SPRED1: variants seen among roughly 807,000 people sequenced by gnomAD.
The protein encoded by SPRED1 is sprouty related EVH1 domain containing 1.
In SPRED1, 18 loss-of-function variants were observed where a neutral mutation model predicts 52.3. The ratio of observed to expected loss-of-function variants is 0.34; its 90% confidence interval spans 0.24 to 0.51. The LOEUF (loss-of-function observed/expected upper bound fraction) is 0.51, where lower values mean the gene tolerates loss of function less well. SPRED1 is among the 20% of genes least tolerant of loss of function. The probability of loss-of-function intolerance (pLI) is 0.97; values close to 1 mark genes in which losing one functional copy is unlikely to be tolerated. For synonymous variants in SPRED1, 155 were observed against 179.7 expected (o/e 0.86, Z 1.10); for missense variants, 485 against 551.0 (o/e 0.88, Z 1.20).
rs542549529 is a variant in SPRED1 at position 38,337,131 on chromosome 15, G to A, written c.424-2606G>A. ...TATTATTAAAATTGCTTTCCAGAAA[G>A]AGTTGTTCCAGATTTTATTTTACTT... is the stretch of plus-strand genomic sequence containing the variant. On this transcript the variant is annotated intron_variant, in intron 4 of 6. Coordinates refer to ENST00000299084, the MANE Select transcript of SPRED1 (RefSeq NM_152594.3). Among the ~76,000 whole-genome samples, 248 of 152,198 alleles carry A rather than the reference G, an allele frequency of 1.6e-3. 1 individual carries two copies. The highest frequency in any genetic ancestry group is 2.1e-3 in the Non-Finnish European group (146 of 68,004).
intron 1 of SPRED1, among the ~76,000 whole-genome samples, chr15:38,270,079 G>T (rs1894400140): frequency 6.6e-6 from 1 of 151,780 alleles, no homozygotes; most frequent in African/African-American, 2.4e-5. Flanking sequence ...GGCTAATTTT[G>T]TATTTTTAAT....
intron 4 of SPRED1, among the ~76,000 whole-genome samples, chr15:38,329,883 C>T (rs1259423210): frequency 6.6e-6 from 1 of 152,102 alleles, no homozygotes; most frequent in Non-Finnish European, 1.5e-5. Context: ...TTCATTGTGT[C>T]AGTCTAACTT....
intron 5 of SPRED1, among the ~76,000 whole-genome samples, chr15:38,345,062 T>G (rs1469643635): frequency 6.6e-6 from 1 of 152,172 alleles, no homozygotes; most frequent in Non-Finnish European, 1.5e-5. Flanking sequence ...GTTAGGATAG[T>G]GTAGCAGTTT....
intron 4 of SPRED1, among the ~76,000 whole-genome samples, chr15:38,333,170 G>T (rs1311485677): frequency 6.6e-6 from 1 of 152,144 alleles, no homozygotes; most frequent in Non-Finnish European, 1.5e-5. Context: ...AGAATATAGG[G>T]TGATAGATAC....
chr15:38,350,026 G>A (rs778321870), intron 6 of SPRED1, among the ~76,000 whole-genome samples: 1 of 152,164 alleles, frequency 6.6e-6, no homozygotes, highest in Non-Finnish European at 1.5e-5. Context: ...CAGAAGGGTT[G>A]TGGAAGTAGG....
At chr15:38,342,238 G>A (rs1397610844) in intron 5 of SPRED1, among the ~76,000 whole-genome samples, 1 of 151,488 alleles carries the variant, frequency 6.6e-6, no homozygotes, top group African/African-American at 2.4e-5. Context: ...TAATACAGCT[G>A]TTAAGTATTT....
intron 1 of SPRED1, among the ~76,000 whole-genome samples, chr15:38,268,505 C>G (rs184040538): frequency 4.0e-4 from 61 of 152,202 alleles, no homozygotes; most frequent in South Asian, 2.3e-3. Flanking sequence ...TATGTGTGTG[C>G]GTGATACACT....
chr15:38,316,018 T>C (rs1895472456), intron 2 of SPRED1, among the ~76,000 whole-genome samples: 1 of 152,050 alleles, frequency 6.6e-6, no homozygotes, highest in Admixed American at 6.6e-5. Flanking sequence ...ATTACTCTAC[T>C]GAATTCTTAC....
At chr15:38,256,919 T>A (rs765775249) in intron 1 of SPRED1, among the ~76,000 whole-genome samples, 42 of 152,154 alleles carry the variant, frequency 2.8e-4, no homozygotes, top group Non-Finnish European at 5.6e-4. Flanking sequence ...TTTATATAGA[T>A]GTGGTGTATA....
At chr15:38,319,115 T>C (rs1460660721) in intron 2 of SPRED1, among the ~76,000 whole-genome samples, 2 of 152,084 alleles carry the variant, frequency 1.3e-5, no homozygotes, top group South Asian at 2.1e-4. Context: ...ATTAAAAAAC[T>C]AGAATCAAAC....
chr15:38,265,722 A>G lies in SPRED1; in HGVS notation c.32+12505A>G, dbSNP rs560619899. 9.2e-5 allele frequency among the ~76,000 whole-genome samples: 14 copies of G among 152,222 alleles called. No individual in the cohort carries two copies. In the South Asian group the frequency reaches 2.7e-3, roughly 29 times the overall value. ...ATACCTGAGCACAGTTTGGAAGTCT[A>G]AGTAGATTCGGTGTCTTGCCATCAT... On this transcript the variant is annotated intron_variant, in intron 1 of 6. Coordinates refer to ENST00000299084, the MANE Select transcript of SPRED1 (RefSeq NM_152594.3).
rs750832911 is a variant in SPRED1, at chr15:38,351,099, G to A, written c.770G>A (p.Arg257His). ...AACCCTCGAGATATCTTAATACGTCGCTATGCAGACTACAGACATCCTGAC... is the reference window on the plus strand; with the variant it reads ...AACCCTCGAGATATCTTAATACGTCACTATGCAGACTACAGACATCCTGAC... ...RINPRDILIR[R>H]YADYRHPDMW... Residue 257 changes from arginine to histidine, a missense_variant, in exon 7 of 7, where the codon CGC (arginine) becomes CAC (histidine). Physicochemically the swap from Arg to His is conservative, Grantham distance 29. Transcript: ENST00000299084. 3.1e-6 allele frequency: 5 copies of A among 1,613,778 alleles called. No individual in the cohort carries two copies. The highest frequency in any genetic ancestry group is 1.1e-5 in the South Asian group (1 of 91,078).
chr15:38,324,687 C>T (rs1770071582), intron 3 of SPRED1, 76 bp from the exon 4 acceptor site: 1 of 1,130,014 alleles, frequency 8.8e-7, no homozygotes, highest in Non-Finnish European at 1.3e-6. Context: ...ATTATAATGA[C>T]ATAATCAATT....
chr15:38,336,834 T>G (rs1462962262), intron 4 of SPRED1, among the ~76,000 whole-genome samples: 1 of 152,042 alleles, frequency 6.6e-6, no homozygotes, highest in African/African-American at 2.4e-5. Flanking sequence ...TTGGGTACAG[T>G]GTACACTGTT....
At position 38,307,508 on chromosome 15, in the gene SPRED1, T is replaced by G. The variant is rs113819905; in HGVS notation, c.207+7961T>G. Reference sequence around the variant, plus strand: ...TATAAAAGCACTAGCCCTATCAGATTAGGGCCCCACCTTTATGACCTCATT... The same window carrying G: ...TATAAAAGCACTAGCCCTATCAGATGAGGGCCCCACCTTTATGACCTCATT... On this transcript the variant is annotated intron_variant, in intron 2 of 6. Transcript: ENST00000299084. 8.0e-3 allele frequency among the ~76,000 whole-genome samples: 1,225 copies of G among 152,262 alleles called. 16 individuals are homozygous for G. The highest frequency in any genetic ancestry group is 0.028 in the African/African-American group (1,152 of 41,562).
At chr15:38,301,173 A>G (rs1336369650) in intron 2 of SPRED1, among the ~76,000 whole-genome samples, 2 of 152,164 alleles carry the variant, frequency 1.3e-5, no homozygotes, top group Non-Finnish European at 2.9e-5. Context: ...AAATCTGCAT[A>G]ACTAATTATG....
Position 38,314,259 on chromosome 15 carries a change from C to T in SPRED1, c.208-7982C>T, listed in dbSNP as rs1389976538. ...TTTACTAATTTTGTGTCTATTTCAT[C>T]TATCAATTATTGAGACATATATTCA... On this transcript the variant is annotated intron_variant, in intron 2 of 6. Coordinates refer to ENST00000299084, the MANE Select transcript of SPRED1 (RefSeq NM_152594.3). Among the ~76,000 whole-genome samples, 4 of 151,718 alleles carry T rather than the reference C, an allele frequency of 2.6e-5. No homozygotes were observed. The East Asian group carries it at 7.7e-4, about 29-fold the overall frequency.
At chr15:38,265,474 C>T (rs1894289004) in intron 1 of SPRED1, among the ~76,000 whole-genome samples, 1 of 151,766 alleles carries the variant, frequency 6.6e-6, no homozygotes, top group African/African-American at 2.4e-5. Context: ...TAGAAAGCAA[C>T]TTTTCAGAAA....
At chr15:38,260,844 A>C (rs1894191243) in intron 1 of SPRED1, among the ~76,000 whole-genome samples, 1 of 152,232 alleles carries the variant, frequency 6.6e-6, no homozygotes, top group African/African-American at 2.4e-5. Flanking sequence ...CAGAAGCCTG[A>C]ACCCAAAGAT....
Sources: gnomAD v4.1 joint callset for allele counts (sites outside exome capture counted in the v4.1 genomes callset) on GRCh38, gnomAD v4.1.1 for gene constraint, MANE v1.5 for transcripts, NCBI Gene and HGNC (gene_info 2026-07-23, HGNC 2026-07-21) for gene names.